The following ZSWIM5 variants were observed in gnomAD, a reference collection of about 807,000 sequenced individuals.
ZSWIM5 encodes the protein zinc finger SWIM-type containing 5.
ZSWIM5 carries 55 observed loss-of-function variants against 119.6 expected under a neutral mutation model. The observed-to-expected ratio is 0.46, with a 90% CI of 0.37 to 0.58. The LOEUF (loss-of-function observed/expected upper bound fraction) is 0.58, where lower values mean the gene tolerates loss of function less well. Among genes scored for constraint, ZSWIM5 ranks in the 20% least tolerant of loss-of-function variants. The pLI is 0.00. For synonymous variants in ZSWIM5, 537 were observed against 606.9 expected, an observed-to-expected ratio of 0.88 and a Z score of 1.69; for missense variants, 1,193 against 1,512.8, an observed-to-expected ratio of 0.79 and a Z score of 3.51.
intron 1 of ZSWIM5, among the ~76,000 whole-genome samples, chr1:45,110,986 CCCTTTAAGCTGGGTATA>C (rs1291157732): frequency 6.6e-6 from 1 of 152,126 alleles, no homozygotes; most frequent in East Asian, 1.9e-4. Flanking sequence ...CAGTACAGTA[CCCTTTAAGCTGGGTATA>C]CAGGATACTA....
intron 1 of ZSWIM5, among the ~76,000 whole-genome samples, chr1:45,113,692 T>A (rs148944198): frequency 6.9e-4 from 105 of 152,334 alleles, no homozygotes; most frequent in African/African-American, 2.4e-3. Flanking sequence ...TTAAAATATG[T>A]CAATGATTGC....
At chr1:45,155,888 G>T (rs1023480567) in intron 1 of ZSWIM5, among the ~76,000 whole-genome samples, 1 of 152,156 alleles carries the variant, frequency 6.6e-6, no homozygotes, top group Non-Finnish European at 1.5e-5. Context: ...TGGGGGGAAA[G>T]AGTGGGAAGT....
At chr1:45,039,179 A>C in intron 7 of ZSWIM5, 106 bp from the exon 8 acceptor site, 1 of 1,356,306 alleles carries the variant, frequency 7.4e-7, no homozygotes, top group Middle Eastern at 1.9e-4. Context: ...CTGAGAGTCA[A>C]ATAAAAGCTT....
At chr1:45,041,656 C>T (rs1349417349) in intron 6 of ZSWIM5, among the ~76,000 whole-genome samples, 2 of 151,830 alleles carry the variant, frequency 1.3e-5, no homozygotes, top group Admixed American at 6.6e-5. Flanking sequence ...CCTGCCTCAG[C>T]CTCCTGAGTA....
chr1:45,116,789 TA>T, intron 1 of ZSWIM5, among the ~76,000 whole-genome samples: 1 of 152,312 alleles, frequency 6.6e-6, no homozygotes, highest in African/African-American at 2.4e-5. Flanking sequence ...TCAGCAAGGA[TA>T]TACCGATTGG....
At chr1:45,180,800 C>T (rs909817393) in intron 1 of ZSWIM5, among the ~76,000 whole-genome samples, 2 of 152,080 alleles carry the variant, frequency 1.3e-5, no homozygotes, top group Non-Finnish European at 1.5e-5. Flanking sequence ...CTGCAGACAC[C>T]GCTGCTGATA....
intron 1 of ZSWIM5, among the ~76,000 whole-genome samples, chr1:45,096,738 A>G (rs963664663): frequency 3.9e-5 from 6 of 152,170 alleles, no homozygotes; most frequent in African/African-American, 7.2e-5. Flanking sequence ...ATGCCGTTCT[A>G]TGGCTTAGAC....
intron 2 of ZSWIM5, among the ~76,000 whole-genome samples, chr1:45,085,528 G>T (rs113212231): frequency 0.021 from 2,419 of 112,578 alleles, 101 homozygotes; most frequent in African/African-American, 0.07. Context: ...TAGTTTGTTT[G>T]TTTTTTTTTT....
At chr1:45,129,766 C>T (rs1278836608) in intron 1 of ZSWIM5, among the ~76,000 whole-genome samples, 2 of 152,090 alleles carry the variant, frequency 1.3e-5, no homozygotes, top group Non-Finnish European at 2.9e-5. Flanking sequence ...TCACACCTTA[C>T]ACAAAAATGA....
At chr1:45,030,610 C>T (rs932558518) in intron 11 of ZSWIM5, among the ~76,000 whole-genome samples, 1 of 152,118 alleles carries the variant, frequency 6.6e-6, no homozygotes, top group Non-Finnish European at 1.5e-5. Context: ...TAGTCCATTT[C>T]ATCTGTGTTG....
intron 1 of ZSWIM5, among the ~76,000 whole-genome samples, chr1:45,189,249 A>G (rs1425527845): frequency 6.6e-6 from 1 of 151,796 alleles, no homozygotes; most frequent in East Asian, 2.0e-4. Flanking sequence ...CGGGAGGCAG[A>G]GGCTGCATTG....
At chr1:45,188,079 C>A (rs139369182) in intron 1 of ZSWIM5, among the ~76,000 whole-genome samples, 6 of 152,326 alleles carry the variant, frequency 3.9e-5, no homozygotes, top group Non-Finnish European at 5.9e-5. Context: ...CATGATCCAA[C>A]AATTCTACTC....
At chr1:45,112,338 TCAG>T (rs1041556618) in intron 1 of ZSWIM5, among the ~76,000 whole-genome samples, 24 of 152,348 alleles carry the variant, frequency 1.6e-4, no homozygotes, top group Admixed American at 2.6e-4. Context: ...TTTGTGATCT[TCAG>T]CAGGTTACAT....
intron 1 of ZSWIM5, among the ~76,000 whole-genome samples, chr1:45,095,226 C>G (rs1199674745): frequency 1.3e-5 from 2 of 151,816 alleles, no homozygotes; most frequent in Non-Finnish European, 1.5e-5. Context: ...CTCCTGGGCT[C>G]AAGTGAACCT....
chr1:45,034,704 A>G (rs1022389239), intron 10 of ZSWIM5, among the ~76,000 whole-genome samples: 1 of 152,228 alleles, frequency 6.6e-6, no homozygotes, highest in East Asian at 1.9e-4. Context: ...GCCGTTCAAG[A>G]GCTATCGGGT....
At position 45,058,624 on chromosome 1, in the gene ZSWIM5, G is replaced by A. The variant is rs766015512; in HGVS notation, c.1237C>T (p.Leu413Phe). 1.9e-6 allele frequency: 3 copies of A among 1,614,238 alleles called. No homozygotes were observed. In the African/African-American group the frequency reaches 4.0e-5, roughly 22 times the overall value. ...GGGAACTTACCTAGCTCATCCCAGA[G>A]CTGCCTGCACTTGTCTGTCATGTTT... ...GTNMTDKCRQ[L>F]WDELGALWVC... The change falls in exon 4 of 14, where the codon CTC (leucine) becomes TTC (phenylalanine). Residue 413 changes from leucine to phenylalanine, a missense_variant. By Grantham distance (22) the Leu-to-Phe change is conservative. Coordinates refer to ENST00000359600, the MANE Select transcript of ZSWIM5 (RefSeq NM_020883.2).
intron 3 of ZSWIM5, 66 bp downstream of exon 3, chr1:45,060,033 G>T: frequency 6.4e-7 from 1 of 1,570,312 alleles, no homozygotes; most frequent in Non-Finnish European, 8.7e-7. Context: ...CTGAAGTGTG[G>T]TGTGCCCAGT....
chr1:45,095,851 C>G (rs1645398002), intron 1 of ZSWIM5, among the ~76,000 whole-genome samples: 1 of 152,048 alleles, frequency 6.6e-6, no homozygotes, highest in African/African-American at 2.4e-5. Context: ...TTTTGACTGT[C>G]TTTCTTTGAT....
At chr1:45,162,983 G>C (rs1645873077) in intron 1 of ZSWIM5, among the ~76,000 whole-genome samples, 1 of 152,230 alleles carries the variant, frequency 6.6e-6, no homozygotes, top group South Asian at 2.1e-4. Context: ...GGTTCTCCCA[G>C]CATGGAGTTT....
Sources: gnomAD v4.1 joint callset for allele counts (sites outside exome capture counted in the v4.1 genomes callset) on GRCh38, gnomAD v4.1.1 for gene constraint, MANE v1.5 for transcripts, NCBI Gene and HGNC (gene_info 2026-07-23, HGNC 2026-07-21) for gene names.